Variants in KCND2 observed in about 807,000 individuals in gnomAD.
The protein encoded by KCND2 is A-type voltage-gated potassium channel KCND2.
Under a neutral mutation model 54.4 loss-of-function variants are expected in KCND2, and 16 were observed. That is an observed-to-expected ratio of 0.29 (90% CI 0.20 to 0.45). The LOEUF (loss-of-function observed/expected upper bound fraction) is 0.45, where lower values mean the gene tolerates loss of function less well. Ranked by LOEUF, KCND2 falls within the 20% of genes least tolerant of loss-of-function variation. The probability of loss-of-function intolerance (pLI) is 1.00; values close to 1 mark genes in which losing one functional copy is unlikely to be tolerated. For synonymous variants in KCND2, 317 were observed against 310.7 expected, an observed-to-expected ratio of 1.02 and a Z score of -0.21; for missense variants, 486 against 824.2, an observed-to-expected ratio of 0.59 and a Z score of 5.02.
chr7:120,680,447 G>C (rs1792125013), intron 1 of KCND2, among the ~76,000 whole-genome samples: 1 of 152,096 alleles, frequency 6.6e-6, no homozygotes, highest in African/African-American at 2.4e-5. Context: ...AATAAAACCA[G>C]GCAGCATTCC....
At chr7:120,636,428 C>T (rs144779199) in intron 1 of KCND2, among the ~76,000 whole-genome samples, 4 of 152,102 alleles carry the variant, frequency 2.6e-5, no homozygotes, top group African/African-American at 9.6e-5. Context: ...AGCATGTTTC[C>T]TTGTATTTTA....
At chr7:120,342,403 A>T (rs941873634) in intron 1 of KCND2, among the ~76,000 whole-genome samples, 1 of 152,198 alleles carries the variant, frequency 6.6e-6, no homozygotes, top group South Asian at 2.1e-4. Context: ...AGGGTACTGT[A>T]ACAAAGATAG....
At chr7:120,564,422 A>C (rs1792272777) in intron 1 of KCND2, among the ~76,000 whole-genome samples, 1 of 152,212 alleles carries the variant, frequency 6.6e-6, no homozygotes, top group South Asian at 2.1e-4. Flanking sequence ...CTAGTTACTA[A>C]GAGTTTGCTT....
intron 1 of KCND2, among the ~76,000 whole-genome samples, chr7:120,627,530 T>C (rs148714865): frequency 0.011 from 1,669 of 152,260 alleles, 14 homozygotes; most frequent in Admixed American, 0.018. Context: ...CTATTAAATG[T>C]TACCTACTAT....
chr7:120,570,479 C>T (rs992843568), intron 1 of KCND2, among the ~76,000 whole-genome samples: 1 of 149,974 alleles, frequency 6.7e-6, no homozygotes, highest in Admixed American at 6.6e-5. Context: ...GCCTTGATAG[C>T]TGCATATGTA....
At chr7:120,650,727 G>C (rs1303817324) in intron 1 of KCND2, among the ~76,000 whole-genome samples, 2 of 143,466 alleles carry the variant, frequency 1.4e-5, no homozygotes, top group Admixed American at 1.3e-4. Flanking sequence ...TGCTCTTTTT[G>C]TTCCCCGTTT....
intron 1 of KCND2, among the ~76,000 whole-genome samples, chr7:120,341,593 G>A (rs1584738305): frequency 6.6e-6 from 1 of 152,128 alleles, no homozygotes; most frequent in Middle Eastern, 3.4e-3. Flanking sequence ...CATGAAACAG[G>A]GATTATAGAA....
intron 1 of KCND2, among the ~76,000 whole-genome samples, chr7:120,497,372 C>T (rs142925411): frequency 3.2e-4 from 49 of 152,244 alleles, no homozygotes; most frequent in Admixed American, 8.5e-4. Flanking sequence ...GGGACGCATA[C>T]GTGCTATTTC....
At chr7:120,305,835 T>G (rs567666769) in intron 1 of KCND2, among the ~76,000 whole-genome samples, 1 of 152,278 alleles carries the variant, frequency 6.6e-6, no homozygotes, top group Admixed American at 6.5e-5. Context: ...AACTTTGATT[T>G]GGTGAGCAAG....
intron 1 of KCND2, among the ~76,000 whole-genome samples, chr7:120,502,460 ATGAG>A (rs1802950816): frequency 6.6e-6 from 1 of 152,002 alleles, no homozygotes; most frequent in Admixed American, 6.6e-5. Context: ...AAGCTCTCTT[ATGAG>A]AGACTGGGGA....
intron 1 of KCND2, among the ~76,000 whole-genome samples, chr7:120,600,580 G>A (rs1381204020): frequency 1.3e-5 from 2 of 152,000 alleles, no homozygotes; most frequent in Non-Finnish European, 2.9e-5. Context: ...AAAGCCAACA[G>A]ACTGTGAAAG....
intron 1 of KCND2, among the ~76,000 whole-genome samples, chr7:120,392,717 C>T (rs1451104331): frequency 1.3e-5 from 2 of 151,866 alleles, no homozygotes; most frequent in African/African-American, 4.8e-5. Flanking sequence ...AGAACTGCTC[C>T]CCCAGAACTG....
intron 1 of KCND2, among the ~76,000 whole-genome samples, chr7:120,647,062 T>C (rs148669196): frequency 6.6e-6 from 1 of 152,340 alleles, no homozygotes; most frequent in Non-Finnish European, 1.5e-5. Context: ...TATCATGAAG[T>C]AATAATTTCT....
chr7:120,497,442 T>A (rs1802866061), intron 1 of KCND2, among the ~76,000 whole-genome samples: 1 of 152,232 alleles, frequency 6.6e-6, no homozygotes, highest in Non-Finnish European at 1.5e-5. Flanking sequence ...AAGATAAGTT[T>A]TAGCAAGTTA....
At chr7:120,474,885 ATT>A (rs564510122) in intron 1 of KCND2, among the ~76,000 whole-genome samples, 2 of 149,976 alleles carry the variant, frequency 1.3e-5, no homozygotes, top group Admixed American at 1.3e-4. Flanking sequence ...AAAGTTTTCA[ATT>A]TTTTTTTTAA....
At chr7:120,308,132 T>A (rs1402475805) in intron 1 of KCND2, among the ~76,000 whole-genome samples, 1 of 152,080 alleles carries the variant, frequency 6.6e-6, no homozygotes, top group Non-Finnish European at 1.5e-5. Flanking sequence ...TACTTTTTAC[T>A]GAAATACCAC....
chr7:120,493,501 A>G (rs1385922394), intron 1 of KCND2, among the ~76,000 whole-genome samples: 4 of 152,118 alleles, frequency 2.6e-5, no homozygotes, highest in Non-Finnish European at 5.9e-5. Context: ...ATGCAATTTC[A>G]TAAAGAATTC....
intron 1 of KCND2, among the ~76,000 whole-genome samples, chr7:120,639,043 G>T (rs987390879): frequency 1.3e-5 from 2 of 152,014 alleles, no homozygotes; most frequent in Non-Finnish European, 2.9e-5. Flanking sequence ...TTTATAGAAT[G>T]GTTTTCTTTG....
Position 120,709,185 on chromosome 7 carries a change from T to C in KCND2, c.1116-23718T>C, listed in dbSNP as rs537704349. 5.3e-5 allele frequency among the ~76,000 whole-genome samples: 8 copies of C among 152,246 alleles called. No individual in the cohort carries two copies. In the East Asian group the frequency reaches 1.3e-3, roughly 26 times the overall value. ...ATTAAAATATAAATCTTTTTTCCTT[T>C]CTTCCACAGTTTTCTCTTGACTTGT... On this transcript the variant is annotated intron_variant, in intron 1 of 5. Coordinates refer to ENST00000331113, the MANE Select transcript of KCND2 (RefSeq NM_012281.3).
Sources: gnomAD v4.1 joint callset for allele counts (sites outside exome capture counted in the v4.1 genomes callset) on GRCh38, gnomAD v4.1.1 for gene constraint, MANE v1.5 for transcripts, NCBI Gene and HGNC (gene_info 2026-07-23, HGNC 2026-07-21) for gene names.